USH2A: variants seen among roughly 807,000 people sequenced by gnomAD.
USH2A encodes Usher syndrome 2A (autosomal recessive, mild).
USH2A carries 443 observed loss-of-function variants against 538.9 expected under a neutral mutation model. The observed-to-expected ratio is 0.82, with a 90% CI of 0.76 to 0.89. The LOEUF (loss-of-function observed/expected upper bound fraction) is 0.89. Ranked by LOEUF, USH2A falls within the 40% of genes least tolerant of loss-of-function variation. USH2A has a pLI of 0.00. For missense variants in USH2A, 6,633 were observed against 6,324.8 expected (o/e 1.05, Z -1.65); for synonymous variants, 2,413 against 2,273.5 (o/e 1.06, Z -1.75).
chr1:216,233,591 T>G (rs2035745445), intron 13 of USH2A, among the ~76,000 whole-genome samples: 1 of 152,052 alleles, frequency 6.6e-6, no homozygotes, highest in Non-Finnish European at 1.5e-5. Context: ...ATGAGTTCAA[T>G]TATTAAACAG....
At chr1:215,961,725 G>T (rs1464063182) in intron 37 of USH2A, among the ~76,000 whole-genome samples, 1 of 151,744 alleles carries the variant, frequency 6.6e-6, no homozygotes, top group African/African-American at 2.4e-5. Flanking sequence ...AAATTTAGGA[G>T]CTCTTGGAGA....
At chr1:215,978,216 A>T (rs1454063960) in intron 35 of USH2A, among the ~76,000 whole-genome samples, 1 of 152,100 alleles carries the variant, frequency 6.6e-6, no homozygotes, top group Non-Finnish European at 1.5e-5. Flanking sequence ...AACACTGACA[A>T]CTCCAAAAAA....
At chr1:215,736,729 A>G in intron 60 of USH2A, among the ~76,000 whole-genome samples, 1 of 152,120 alleles carries the variant, frequency 6.6e-6, no homozygotes, top group South Asian at 2.1e-4. Flanking sequence ...TAGAAGATAA[A>G]TATTTTAAGT....
At chr1:216,374,261 A>C (rs931559665) in intron 3 of USH2A, among the ~76,000 whole-genome samples, 1 of 145,906 alleles carries the variant, frequency 6.9e-6, no homozygotes, top group African/African-American at 2.5e-5. Context: ...AATAATAATA[A>C]AATAAAATAA....
intron 31 of USH2A, among the ~76,000 whole-genome samples, chr1:216,048,178 T>G (rs10495014): frequency 2.3e-4 from 35 of 152,300 alleles, no homozygotes; most frequent in Admixed American, 7.8e-4. Context: ...CAATCAATTC[T>G]TTTTAGTCAG....
chr1:216,048,378 C>G (rs1311655777), intron 31 of USH2A, among the ~76,000 whole-genome samples, 156 bp downstream of exon 31: 1 of 151,998 alleles, frequency 6.6e-6, no homozygotes, highest in Admixed American at 6.5e-5. Context: ...ATTTTCGCAC[C>G]CCCCCAAAAA....
intron 32 of USH2A, among the ~76,000 whole-genome samples, chr1:216,043,547 C>T (rs997259143): frequency 6.6e-6 from 1 of 152,084 alleles, no homozygotes; most frequent in Admixed American, 6.6e-5. Context: ...AAATATTTCA[C>T]TTTCTTTATA....
intron 61 of USH2A, among the ~76,000 whole-genome samples, chr1:215,704,341 G>A (rs565525787): frequency 6.6e-6 from 1 of 152,196 alleles, no homozygotes; most frequent in East Asian, 1.9e-4. Context: ...ACCCATGGCT[G>A]TTCACTTAGT....
At position 216,231,991 on chromosome 1, in the gene USH2A, G is replaced by T; in HGVS notation, c.2955C>A (p.Cys985Ter). 1.2e-6 allele frequency: 2 copies of T among 1,614,032 alleles called. No individual in the cohort carries two copies. Among genetic ancestry groups the T allele is most frequent in the Non-Finnish European group, 8.5e-7 (1 of 1,179,916 alleles). The change falls in exon 14 of 72, where the codon TGC becomes TGA. Residue 985 changes from cysteine (C) to a stop codon, truncating the protein, a stop_gained. Coordinates refer to ENST00000307340, the MANE Select transcript of USH2A (RefSeq NM_206933.4). LOFTEE classifies it high-confidence loss of function. The stretch of plus-strand genomic sequence containing the variant: ...GATCAAATCCAAAGTAATGGTCTTT[G>T]CATTGGTCACAACGTTGCCCAGCAA... The part of the protein sequence containing the change: ...ASIAGQRCDQ[C>*]KDHYFGFDPQ...
At chr1:215,849,141 C>T (rs1370188578) in intron 44 of USH2A, among the ~76,000 whole-genome samples, 1 of 152,100 alleles carries the variant, frequency 6.6e-6, no homozygotes, top group East Asian at 1.9e-4. Flanking sequence ...TACAAGGCTT[C>T]TTCCTAGCAT....
In USH2A at chr1:216,140,963, T is replaced by G. The variant is rs1159051150; in HGVS notation, c.4627+34289A>C. On this transcript the variant is annotated intron_variant, in intron 21 of 71. Transcript: ENST00000307340. ...CAGAGGTTTCATCAGTAACAACATA[T>G]GTCTTTCTTCCACAGATGAAATAGA... is the stretch of plus-strand genomic sequence containing the variant. Among the ~76,000 whole-genome samples, 2 of 152,220 alleles carry G rather than the reference T, an allele frequency of 1.3e-5. 1 individual carries two copies. The highest frequency in any genetic ancestry group is 1.3e-4 in the Admixed American group (2 of 15,288).
At chr1:216,136,284 G>A (rs1280624552) in intron 21 of USH2A, among the ~76,000 whole-genome samples, 1 of 152,080 alleles carries the variant, frequency 6.6e-6, no homozygotes, top group African/African-American at 2.4e-5. Flanking sequence ...AAAATAAATT[G>A]TGCAATTAAT....
intron 29 of USH2A, among the ~76,000 whole-genome samples, chr1:216,071,021 A>G (rs1455794489): frequency 6.6e-6 from 1 of 152,166 alleles, no homozygotes; most frequent in Non-Finnish European, 1.5e-5. Flanking sequence ...AAAATCTATT[A>G]CCTTTAACTA....
chr1:215,803,663 G>A (rs984543020), intron 49 of USH2A, among the ~76,000 whole-genome samples: 4 of 152,172 alleles, frequency 2.6e-5, no homozygotes, highest in African/African-American at 7.2e-5. Flanking sequence ...AACATTCCAT[G>A]CTCATGGGTA....
chr1:216,156,285 T>G (rs1199606113), intron 21 of USH2A, among the ~76,000 whole-genome samples: 1 of 115,554 alleles, frequency 8.7e-6, no homozygotes, highest in Non-Finnish European at 1.6e-5. Flanking sequence ...TCTTTCTTTC[T>G]TTTTTTTTTC....
intron 32 of USH2A, among the ~76,000 whole-genome samples, chr1:216,039,394 G>A (rs1180946551): frequency 6.6e-6 from 1 of 151,932 alleles, no homozygotes. Context: ...ACATCAAAGG[G>A]AAACATGGTA....
At chr1:215,932,915 C>T (rs1010988370) in intron 38 of USH2A, among the ~76,000 whole-genome samples, 6 of 151,898 alleles carry the variant, frequency 4.0e-5, no homozygotes, top group East Asian at 1.9e-4. Flanking sequence ...ATTCACATAG[C>T]GCATATTCCG....
At chr1:216,273,499 T>C (rs2036613147) in intron 11 of USH2A, among the ~76,000 whole-genome samples, 1 of 152,092 alleles carries the variant, frequency 6.6e-6, no homozygotes, top group Admixed American at 6.6e-5. Flanking sequence ...AAACCTCACA[T>C]AGTTTATTTA....
intron 22 of USH2A, among the ~76,000 whole-genome samples, chr1:216,089,807 G>A (rs564633149): frequency 3.3e-5 from 5 of 150,676 alleles, no homozygotes; most frequent in African/African-American, 1.2e-4. Context: ...TAGCAAATAG[G>A]AGGTAAGAAT....
Sources: gnomAD v4.1 joint callset for allele counts (sites outside exome capture counted in the v4.1 genomes callset) on GRCh38, gnomAD v4.1.1 for gene constraint, MANE v1.5 for transcripts, NCBI Gene and HGNC (gene_info 2026-07-23, HGNC 2026-07-21) for gene names.